Variants in SGMS1 observed in about 807,000 individuals in gnomAD.
SGMS1 encodes sphingomyelin synthase 1, also known as phosphatidylcholine:ceramide cholinephosphotransferase 1.
SGMS1 carries 13 observed loss-of-function variants against 46.2 expected under a neutral mutation model. The observed-to-expected ratio is 0.28, with a 90% confidence interval of 0.18 to 0.45. The LOEUF is 0.45. SGMS1 is among the 20% of genes least tolerant of loss of function. SGMS1 has a pLI of 1.00. For missense variants in SGMS1, 324 were observed against 519.9 expected (o/e 0.62, Z 3.66); for synonymous variants, 203 against 187.8 (o/e 1.08, Z -0.66).
chr10:50,381,396 C>A (rs977200340), intron 6 of SGMS1, among the ~76,000 whole-genome samples: 14 of 151,968 alleles, frequency 9.2e-5, no homozygotes, highest in Non-Finnish European at 1.8e-4. Context: ...GTTCTGCCAC[C>A]CATGACTACA....
intron 1 of SGMS1, among the ~76,000 whole-genome samples, chr10:50,619,815 T>C (rs1325103654): frequency 2.6e-5 from 4 of 152,206 alleles, no homozygotes; most frequent in Non-Finnish European, 5.9e-5. Context: ...AAGCTTGGGG[T>C]GATTTCAGGC....
chr10:50,535,068 C>T (rs1837987999), intron 2 of SGMS1, among the ~76,000 whole-genome samples: 1 of 152,084 alleles, frequency 6.6e-6, no homozygotes, highest in African/African-American at 2.4e-5. Context: ...ACCGTCTCTA[C>T]TAAAAATACA....
At chr10:50,324,328 G>A (rs1847496655) in intron 8 of SGMS1, among the ~76,000 whole-genome samples, 1 of 152,170 alleles carries the variant, frequency 6.6e-6, no homozygotes, top group Non-Finnish European at 1.5e-5. Flanking sequence ...TATTTTTACA[G>A]GGGCAATTAA....
At chr10:50,512,042 G>T (rs1261548921) in intron 3 of SGMS1, among the ~76,000 whole-genome samples, 1 of 152,116 alleles carries the variant, frequency 6.6e-6, no homozygotes, top group Non-Finnish European at 1.5e-5. Context: ...TATGATTTCA[G>T]ATTACAATGT....
intron 7 of SGMS1, among the ~76,000 whole-genome samples, chr10:50,331,905 C>T (rs937058204): frequency 2.0e-5 from 3 of 152,212 alleles, no homozygotes; most frequent in Non-Finnish European, 4.4e-5. Context: ...TACTAATCAG[C>T]CTGCACCTTG....
intron 6 of SGMS1, among the ~76,000 whole-genome samples, chr10:50,396,710 G>A (rs1306948897): frequency 6.6e-6 from 1 of 152,076 alleles, no homozygotes; most frequent in African/African-American, 2.4e-5. Context: ...CACACAGCAG[G>A]TGCTCACCAA....
At chr10:50,576,977 T>A (rs766329443) in intron 2 of SGMS1, among the ~76,000 whole-genome samples, 1 of 152,250 alleles carries the variant, frequency 6.6e-6, no homozygotes, top group Non-Finnish European at 1.5e-5. Context: ...TGCATAGAGC[T>A]GGGACTTAAA....
intron 6 of SGMS1, among the ~76,000 whole-genome samples, chr10:50,413,047 A>C (rs1286717741): frequency 6.6e-6 from 1 of 152,194 alleles, no homozygotes; most frequent in Non-Finnish European, 1.5e-5. Context: ...CTCCTTCCAA[A>C]TCTTACATTT....
At chr10:50,368,330 T>C (rs913032801) in intron 6 of SGMS1, among the ~76,000 whole-genome samples, 4 of 152,150 alleles carry the variant, frequency 2.6e-5, no homozygotes, top group African/African-American at 4.8e-5. Flanking sequence ...CAAATATTTA[T>C]TCTTGCTTTA....
At chr10:50,584,424 G>A (rs58336861) in intron 2 of SGMS1, among the ~76,000 whole-genome samples, 3,113 of 151,160 alleles carry the variant, frequency 0.021, 121 homozygotes, top group African/African-American at 0.072. Context: ...ACTTGAACCC[G>A]GGAGGCAGAG....
Position 50,306,102 on chromosome 10 carries a change from A to C in SGMS1, c.*1040T>G, listed in dbSNP as rs1187169851. 6.5e-6 allele frequency: 1 copy of C among 152,770 alleles called. No individual in the cohort carries two copies. The highest frequency in any genetic ancestry group is 2.4e-5 in the African/African-American group (1 of 41,468). 9.5% of individuals were successfully genotyped at this position (152,770 alleles called of 1,614,324 possible). On this transcript the variant is annotated 3_prime_UTR_variant, in exon 11 of 11. Transcript: ENST00000361781. The stretch of plus-strand genomic sequence containing the variant: ...AAACTCTCTTTAAGAAAAGATATTC[A>C]TGGCTGTTTTCATTGAGTAGTTAAA...
chr10:50,516,484 T>C (rs1263811764), intron 3 of SGMS1, among the ~76,000 whole-genome samples: 1 of 152,200 alleles, frequency 6.6e-6, no homozygotes, highest in African/African-American at 2.4e-5. Context: ...TTGGGAGGCA[T>C]AACAAATTGG....
At chr10:50,311,440 A>G in intron 8 of SGMS1, 25 bp from the exon 9 acceptor site, 1 of 1,609,796 alleles carries the variant, frequency 6.2e-7, no homozygotes, top group Non-Finnish European at 8.5e-7. Flanking sequence ...GAAAAGAAGA[A>G]AAAGAAGATT....
intron 5 of SGMS1, among the ~76,000 whole-genome samples, chr10:50,449,531 T>C (rs533275802): frequency 6.6e-6 from 1 of 152,302 alleles, no homozygotes; most frequent in East Asian, 1.9e-4. Flanking sequence ...TTTCCTAGGA[T>C]GGTCTTGCCC....
chr10:50,415,029 G>A (rs1849150158), intron 6 of SGMS1, among the ~76,000 whole-genome samples: 1 of 152,242 alleles, frequency 6.6e-6, no homozygotes, highest in South Asian at 2.1e-4. Flanking sequence ...GCTGAGGCAG[G>A]AGAATGGCGT....
chr10:50,342,510 T>A (rs1460017048), intron 7 of SGMS1: 2 of 152,242 alleles, frequency 1.3e-5, no homozygotes, highest in Non-Finnish European at 2.9e-5. Flanking sequence ...AAAGAGTTGT[T>A]ATAAAACATA....
intron 2 of SGMS1, among the ~76,000 whole-genome samples, chr10:50,587,476 T>C (rs1838495115): frequency 6.6e-6 from 1 of 151,986 alleles, no homozygotes; most frequent in Non-Finnish European, 1.5e-5. Flanking sequence ...CTACTAAAAA[T>C]ACAAAAATTA....
At chr10:50,466,583 G>A (rs542989926) in intron 4 of SGMS1, among the ~76,000 whole-genome samples, 1 of 152,274 alleles carries the variant, frequency 6.6e-6, no homozygotes, top group East Asian at 1.9e-4. Context: ...CTTAAAAAAT[G>A]TGACTCAAAT....
chr10:50,479,860 G>A (rs921345245), intron 3 of SGMS1, among the ~76,000 whole-genome samples: 6 of 152,024 alleles, frequency 3.9e-5, no homozygotes, highest in African/African-American at 9.7e-5. Flanking sequence ...AACACCACAA[G>A]TATTTCTTGA....
Sources: allele counts gnomAD v4.1 joint callset (sites outside exome capture counted in the v4.1 genomes callset), GRCh38; gene constraint gnomAD v4.1.1; transcripts MANE v1.5; gene names NCBI Gene and HGNC (gene_info 2026-07-23, HGNC 2026-07-21).